ZBTB40: variants seen among roughly 807,000 people sequenced by gnomAD.
ZBTB40 encodes zinc finger and BTB domain containing 40, also known as zinc finger and BTB domain-containing protein 40.
Under a neutral mutation model 117.5 loss-of-function variants are expected in ZBTB40, and 60 were observed. That is an observed-to-expected ratio of 0.51 (90% CI 0.41 to 0.63). The LOEUF is 0.63. ZBTB40 is among the 30% of genes least tolerant of loss of function. ZBTB40 has a pLI of 0.00. For missense variants in ZBTB40, 1,287 were observed against 1,498.5 expected, an observed-to-expected ratio of 0.86 and a Z score of 2.33; for synonymous variants, 525 against 577.1, an observed-to-expected ratio of 0.91 and a Z score of 1.29.
chr1:22,448,240 ATC>A (rs1457057477), upstream of ZBTB40, among the ~76,000 whole-genome samples: 1 of 152,196 alleles, frequency 6.6e-6, no homozygotes, highest in Non-Finnish European at 1.5e-5. Flanking sequence ...CAATCGATCT[ATC>A]TCTCTTGGAA....
chr1:22,494,252 C>T (rs1404042352), intron 3 of ZBTB40, among the ~76,000 whole-genome samples: 2 of 152,184 alleles, frequency 1.3e-5, no homozygotes, highest in Non-Finnish European at 2.9e-5. Context: ...ATTTGTAAGG[C>T]ATGCTTTCAG....
chr1:22,514,135 G>A (rs1295657231), intron 12 of ZBTB40, among the ~76,000 whole-genome samples: 1 of 152,188 alleles, frequency 6.6e-6, no homozygotes, highest in Non-Finnish European at 1.5e-5. Context: ...GGATGGAGAA[G>A]GGGTCTCTAG....
At position 22,501,661 on chromosome 1, in the gene ZBTB40, A is replaced by T. The variant is rs142786741; in HGVS notation, c.1001A>T (p.Asp334Val). The T allele has an allele frequency of 3.5e-4, 565 of 1,613,812 alleles. 1 individual carries two copies. The highest frequency in any genetic ancestry group is 4.7e-4 in the Non-Finnish European group (552 of 1,179,982). ...GCACTATTAGACAGGAAGCCAGAAG[A>T]TGTAGACACAGTGCAGCCAAAAGGT... The part of the protein sequence containing the change: ...KTALLDRKPE[D>V]VDTVQPKGST... Residue 334 changes from aspartate to valine, a missense_variant, in exon 4 of 18, where the codon GAT becomes GTT. This residue lies in a region of ZBTB40 where 870 missense variants were observed against 934.4 expected (regional missense o/e 0.93). Transcript: ENST00000375647.
intron 1 of ZBTB40, among the ~76,000 whole-genome samples, chr1:22,430,545 C>T (rs1349745457): frequency 1.3e-5 from 2 of 152,166 alleles, no homozygotes; most frequent in African/African-American, 2.4e-5. Context: ...AATCACGGCT[C>T]ACTGCAGCCT....
Position 22,513,954 on chromosome 1 carries a change from G to A in ZBTB40, c.2668+824G>A, listed in dbSNP as rs1639309646. Among the ~76,000 whole-genome samples, 1 of 152,220 alleles carries A rather than the reference G, an allele frequency of 6.6e-6. No homozygotes were observed. The highest frequency in any genetic ancestry group is 1.5e-5 in the Non-Finnish European group (1 of 68,034). ...CGAGTTCAAGCATGAGAAGGACCCT[G>A]ACTAAGCACCTACCGTGGATCAGAC... On this transcript the variant is annotated intron_variant, in intron 12 of 17. Coordinates refer to ENST00000375647, the MANE Select transcript of ZBTB40 (RefSeq NM_014870.4). This position sits in a 1 kb window ranked among gnomAD's most constrained non-coding sequence, Gnocchi z 4.9.
Position 22,491,533 on chromosome 1 carries a change from G to T in ZBTB40, c.831G>T (p.Glu277Asp). The change falls in exon 3 of 18, where the codon GAG (glutamate) becomes GAT (aspartate). Residue 277 changes from glutamate (E) to aspartate (D), a missense_variant and splice_region_variant. Coordinates refer to ENST00000375647, the MANE Select transcript of ZBTB40 (RefSeq NM_014870.4). ...MCSEIKGPQK[E>D]MIVKCFEGEG... Reference sequence around the variant, plus strand: ...CAGAAATTAAAGGTCCACAGAAGGAGGTAGGCACCTCTGACTTTTGTACTT... The same window carrying T: ...CAGAAATTAAAGGTCCACAGAAGGATGTAGGCACCTCTGACTTTTGTACTT... The T allele has an allele frequency of 6.2e-7, 1 of 1,613,876 alleles. No individual in the cohort carries two copies. Among genetic ancestry groups the T allele is most frequent in the South Asian group, 1.1e-5 (1 of 91,076 alleles).
chr1:22,466,865 C>T (rs1426753662), intron 1 of ZBTB40, among the ~76,000 whole-genome samples: 1 of 151,700 alleles, frequency 6.6e-6, no homozygotes, highest in African/African-American at 2.4e-5. Context: ...TGCAGTGTCT[C>T]TTTACTTTCA....
At chr1:22,453,240 C>T (rs931570565) in intron 1 of ZBTB40, among the ~76,000 whole-genome samples, 2 of 152,180 alleles carry the variant, frequency 1.3e-5, no homozygotes, top group Admixed American at 6.5e-5. Context: ...TCTGCCCCTC[C>T]TTTCTAATAT....
rs1210540395 is a variant in ZBTB40, at chr1:22,490,440, T to C, written c.492T>C (p.Ala164=). The change falls in exon 2 of 18, where the codon GCT becomes GCC. Residue 164 remains alanine (A), a synonymous_variant. Coordinates refer to ENST00000375647, the MANE Select transcript of ZBTB40 (RefSeq NM_014870.4). ...AGCCTCATTCTTCCCCAGAGCTTGC[T>C]GCCACTCCAGGGGGCCCTGTGAAAG... ...AGEPHSSPEL[A]ATPGGPVKAE... The C allele has an allele frequency of 6.2e-7, 1 of 1,606,448 alleles. No individual in the cohort carries two copies. Among genetic ancestry groups the C allele is most frequent in the African/African-American group, 1.3e-5 (1 of 74,562 alleles).
chr1:22,461,620 A>G (rs1157918665), intron 1 of ZBTB40, among the ~76,000 whole-genome samples: 1 of 152,204 alleles, frequency 6.6e-6, no homozygotes, highest in African/African-American at 2.4e-5. Flanking sequence ...TTGATCTGTG[A>G]AATGTACACA....
chr1:22,429,308 A>G (rs893118699), intron 1 of ZBTB40, among the ~76,000 whole-genome samples: 2 of 152,036 alleles, frequency 1.3e-5, no homozygotes, highest in Non-Finnish European at 1.5e-5. Context: ...CTGAACCCGG[A>G]AGGCGGAGCT....
At chr1:22,520,847 A>T (rs997101488) in intron 14 of ZBTB40, among the ~76,000 whole-genome samples, 4 of 152,262 alleles carry the variant, frequency 2.6e-5, no homozygotes, top group African/African-American at 7.2e-5. Context: ...CATAACTGCT[A>T]ACTTTAGCTC....
At position 22,530,431 on chromosome 1, in the gene ZBTB40, A is replaced by C. The variant is rs1172251681; in HGVS notation, c.*4035A>C. ...AATTTAGAAGCTTGCTACTCCTACG[A>C]CTCGGCCTATAAGGAAGAGAGAAGC... is the stretch of plus-strand genomic sequence containing the variant. On this transcript the variant is annotated 3_prime_UTR_variant, in exon 18 of 18. Transcript: ENST00000375647. The C allele has an allele frequency of 1.3e-5, 2 of 152,150 alleles. No individual in the cohort carries two copies. The highest frequency in any genetic ancestry group is 4.8e-5 in the African/African-American group (2 of 41,380). The allele number at this position is 152,150 out of a possible 1,614,324, so 9.4% of individuals were successfully genotyped here. A position where few individuals can be genotyped will look rare whatever the true frequency, so the allele number is the denominator to read the frequency against.
rs1047971770 is a variant in ZBTB40 at position 22,502,155 on chromosome 1, T to C, written c.1025-144T>C. On this transcript the variant is annotated intron_variant, in intron 4 of 17. Transcript: ENST00000375647. ...AACAGAATAATAAAGTATTTTCCTC[T>C]GTAAAAGCGATTCTGCATTCAGGTG... 1.4e-5 allele frequency: 13 copies of C among 939,386 alleles called. No homozygotes were observed. In the African/African-American group the frequency reaches 2.1e-4, roughly 16 times the overall value. The allele number at this position is 939,386 out of a possible 1,614,324, so 58.2% of individuals were successfully genotyped here.
intron 1 of ZBTB40, among the ~76,000 whole-genome samples, chr1:22,430,321 C>T (rs933617924): frequency 1.3e-5 from 2 of 151,836 alleles, no homozygotes; most frequent in South Asian, 2.1e-4. Flanking sequence ...CAGGTGCAGT[C>T]GCTCACACCT....
chr1:22,511,358 G>A lies in ZBTB40; in HGVS notation c.2002+11G>A. ...AGTTGGCATACATTGGTAAGGAACGGGCCAGGTGGGAAGGGGGTTCCTATC... is the reference window on the plus strand; with the variant it reads ...AGTTGGCATACATTGGTAAGGAACGAGCCAGGTGGGAAGGGGGTTCCTATC... On this transcript the variant is annotated intron_variant, in intron 10 of 17. Coordinates refer to ENST00000375647, the MANE Select transcript of ZBTB40 (RefSeq NM_014870.4). 6.2e-7 allele frequency: 1 copy of A among 1,613,354 alleles called. No individual in the cohort carries two copies. Among genetic ancestry groups the A allele is most frequent in the African/African-American group, 1.3e-5 (1 of 74,996 alleles).
At chr1:22,510,542 T>G (rs1320952843) in intron 9 of ZBTB40, among the ~76,000 whole-genome samples, 3 of 152,222 alleles carry the variant, frequency 2.0e-5, no homozygotes, top group African/African-American at 7.2e-5. Context: ...TGTGGATGGT[T>G]TAGCTTTATT....
At chr1:22,490,689 T>A (rs1045915903) in intron 2 of ZBTB40, 44 bp downstream of exon 2, 74 of 1,600,838 alleles carry the variant, frequency 4.6e-5, no homozygotes, top group Non-Finnish European at 5.8e-5. Flanking sequence ...TTTTCAATGA[T>A]CTTTATCAGT....
chr1:22,507,308 G>A (rs209731), intron 6 of ZBTB40, among the ~76,000 whole-genome samples: 3,381 of 152,208 alleles, frequency 0.022, 139 homozygotes, highest in African/African-American at 0.076. Flanking sequence ...CACTGTGCCC[G>A]GCACATGGGC....
Sources: allele counts gnomAD v4.1 joint callset (sites outside exome capture counted in the v4.1 genomes callset), GRCh38; gene constraint gnomAD v4.1.1; regional missense constraint gnomAD v4.1.1; non-coding constraint Gnocchi (gnomAD v3.1); transcripts MANE v1.5; gene names NCBI Gene and HGNC (gene_info 2026-07-23, HGNC 2026-07-21).